The following ENTREP1 variants were observed in gnomAD, a reference collection of about 807,000 sequenced individuals.
ENTREP1 encodes the protein endosomal transmembrane epsin interactor 1.
At chr9:69,391,780 G>A in the ENTREP1 span, 6 of 1,609,260 alleles carry the variant, frequency 3.7e-6, no homozygotes, top group African/African-American at 6.7e-5. Flanking sequence ...GCCTCATTGG[G>A]GTCATCCGAG....
chr9:69,328,704 TAAAA>T, the ENTREP1 span, among the ~76,000 whole-genome samples: 1 of 152,122 alleles, frequency 6.6e-6, no homozygotes, highest in Admixed American at 6.5e-5. Context: ...ACTGCAGAAT[TAAAA>T]AAGAACACAG....
At chr9:69,388,201 G>C in the ENTREP1 span, 1 of 1,614,162 alleles carries the variant, frequency 6.2e-7, no homozygotes, top group Non-Finnish European at 8.5e-7. Context: ...AGACTGAAAG[G>C]AGACTGGATC....
At chr9:69,333,297 C>A in the ENTREP1 span, among the ~76,000 whole-genome samples, 2 of 151,538 alleles carry the variant, frequency 1.3e-5, no homozygotes, top group African/African-American at 4.9e-5. Flanking sequence ...GGGCTGGACA[C>A]TTCCTTTTAA....
chr9:69,339,284 G>A, the ENTREP1 span, among the ~76,000 whole-genome samples: 2 of 152,154 alleles, frequency 1.3e-5, no homozygotes, highest in Non-Finnish European at 2.9e-5. Context: ...GCTTCCCAAA[G>A]TTCTGGGATT....
At chr9:69,340,685 G>GTGTGTGTCTA in the ENTREP1 span, among the ~76,000 whole-genome samples, 1 of 133,138 alleles carries the variant, frequency 7.5e-6, no homozygotes, top group African/African-American at 2.9e-5. Context: ...GTGCATGCAT[G>GTGTGTGTCTA]TGTGTGTGTA....
chr9:69,356,288 A>G, the ENTREP1 span, among the ~76,000 whole-genome samples: 7 of 152,222 alleles, frequency 4.6e-5, no homozygotes, highest in Non-Finnish European at 8.8e-5. Flanking sequence ...TTCAAGGTCT[A>G]TCCATGCTGT....
chr9:69,325,931 C>T, the ENTREP1 span, among the ~76,000 whole-genome samples: 1 of 151,668 alleles, frequency 6.6e-6, no homozygotes, highest in Non-Finnish European at 1.5e-5. Flanking sequence ...GTCTGTTGCG[C>T]GCAGGCTGAA....
At chr9:69,375,676 A>G in the ENTREP1 span, 90 of 1,348,122 alleles carry the variant, frequency 6.7e-5, no homozygotes, top group African/African-American at 2.8e-5. Flanking sequence ...GCTCCATGGT[A>G]GAGCCAGGGT....
the ENTREP1 span, chr9:69,325,275 CGG>C: frequency 6.9e-5 from 2 of 29,066 alleles, no homozygotes; most frequent in African/African-American, 7.2e-3. Flanking sequence ...CCGCCGCAGC[CGG>C]CCGCACCCGG....
the ENTREP1 span, chr9:69,391,725 G>A: frequency 8.1e-6 from 13 of 1,613,940 alleles, no homozygotes; most frequent in Middle Eastern, 1.7e-4. Flanking sequence ...GGGAGGCCCC[G>A]AGCCGAGAGG....
At chr9:69,383,756 G>A in the ENTREP1 span, 6 of 1,614,146 alleles carry the variant, frequency 3.7e-6, no homozygotes, top group Non-Finnish European at 5.1e-6. Context: ...TGGACCAGGA[G>A]CAGGTACTGT....
the ENTREP1 span, among the ~76,000 whole-genome samples, chr9:69,356,353 A>G: frequency 6.6e-6 from 1 of 152,182 alleles, no homozygotes; most frequent in Non-Finnish European, 1.5e-5. Flanking sequence ...ATTCCATGGT[A>G]TGTACTGGAC....
the ENTREP1 span, among the ~76,000 whole-genome samples, chr9:69,362,864 A>G: frequency 1.3e-5 from 2 of 152,220 alleles, no homozygotes; most frequent in Non-Finnish European, 2.9e-5. Flanking sequence ...GCCCTTGGAC[A>G]TCGGACTCCG....
At chr9:69,369,690 T>A in the ENTREP1 span, among the ~76,000 whole-genome samples, 2 of 152,154 alleles carry the variant, frequency 1.3e-5, no homozygotes, top group African/African-American at 4.8e-5. Flanking sequence ...GTGTTCCTCA[T>A]CCTCACCAGC....
the ENTREP1 span, chr9:69,329,582 C>T: frequency 3.0e-6 from 3 of 985,290 alleles, no homozygotes; most frequent in Non-Finnish European, 3.6e-6. Flanking sequence ...TTTGAGCACT[C>T]TGAGCATTTG....
the ENTREP1 span, chr9:69,392,019 G>A: frequency 2.2e-5 from 13 of 586,858 alleles, no homozygotes; most frequent in African/African-American, 3.7e-5. Flanking sequence ...TGAGTTGGAG[G>A]TTATGAAAGC....
chr9:69,350,167 C>T, the ENTREP1 span, among the ~76,000 whole-genome samples: 127 of 152,198 alleles, frequency 8.3e-4, 3 homozygotes, highest in East Asian at 0.019. Context: ...AGGTCATGAA[C>T]GCTTACTCCT....
chr9:69,328,334 A>G, the ENTREP1 span, among the ~76,000 whole-genome samples: 15 of 152,248 alleles, frequency 9.9e-5, no homozygotes, highest in Admixed American at 9.8e-4. Flanking sequence ...TTTTATCACA[A>G]GAAAATATAA....
At chr9:69,361,451 A>G in the ENTREP1 span, among the ~76,000 whole-genome samples, 1 of 152,064 alleles carries the variant, frequency 6.6e-6, no homozygotes, top group African/African-American at 2.4e-5. Context: ...TCCATGTTTT[A>G]TATGCATCCG....
Sources: allele counts gnomAD v4.1 joint callset (sites outside exome capture counted in the v4.1 genomes callset), GRCh38; gene constraint gnomAD v4.1.1; transcripts MANE v1.5; gene names NCBI Gene and HGNC (gene_info 2026-07-23, HGNC 2026-07-21).